Variants in XPO4 observed in about 807,000 individuals in gnomAD.
XPO4 encodes the protein exportin 4.
A neutral mutation model predicts 143.0 loss-of-function variants in XPO4; 39 were observed. That is an observed-to-expected ratio of 0.27 (90% CI 0.21 to 0.36). The LOEUF is 0.36. Among genes scored for constraint, XPO4 ranks in the 10% least tolerant of loss-of-function variants. The pLI, the probability that XPO4 is intolerant of heterozygous loss-of-function variation, is 1.00. For synonymous variants in XPO4, 439 were observed against 474.0 expected, an observed-to-expected ratio of 0.93 and a Z score of 0.96; for missense variants, 907 against 1,348.0, an observed-to-expected ratio of 0.67 and a Z score of 5.12.
chr13:20,896,416 A>G (rs1188211923), intron 1 of XPO4, among the ~76,000 whole-genome samples: 3 of 152,190 alleles, frequency 2.0e-5, no homozygotes, highest in African/African-American at 7.2e-5. Flanking sequence ...ATATTCTGCA[A>G]ATAAGCTGTA....
At chr13:20,898,675 CA>C (rs2060591756) in intron 1 of XPO4, among the ~76,000 whole-genome samples, 1 of 152,074 alleles carries the variant, frequency 6.6e-6, no homozygotes, top group Non-Finnish European at 1.5e-5. Context: ...AAGGACAATC[CA>C]AAACAACCTA....
At position 20,781,337 on chromosome 13, in the gene XPO4, TG is replaced by T. The variant is rs2059140588; in HGVS notation, c.*2384del. The stretch of plus-strand genomic sequence containing the variant: ...GAATAAGCATCCAATCAGGCAAACA[TG>T]GACACAACCACCCTGAAAAGGTCTA... On this transcript the variant is annotated 3_prime_UTR_variant, in exon 23 of 23. Transcript: ENST00000255305. 1 of 152,544 alleles carries T rather than the reference TG, an allele frequency of 6.6e-6. No individual in the cohort carries two copies. The allele number at this position is 152,544 out of a possible 1,614,324, so 9.4% of individuals were successfully genotyped here. A position where few individuals can be genotyped will look rare whatever the true frequency, so the allele number is the denominator to read the frequency against.
At chr13:20,866,349 A>G (rs1479245964) in intron 2 of XPO4, 8 of 985,066 alleles carry the variant, frequency 8.1e-6, no homozygotes, top group Non-Finnish European at 9.6e-6. Context: ...AACTCAAGTT[A>G]GAAGTGAGAA....
rs943115910 is a variant in XPO4 at position 20,780,527 on chromosome 13, A to C, written c.*3195T>G. On this transcript the variant is annotated 3_prime_UTR_variant, in exon 23 of 23. Transcript: ENST00000255305. ...GTTAAATAATGCTGACTGGGGGGAA[A>C]TGATATAGATACTTGCTTTTCAAAT... The C allele has an allele frequency of 1.3e-5, 2 of 152,208 alleles. No homozygotes were observed. The highest frequency in any genetic ancestry group is 4.8e-5 in the African/African-American group (2 of 41,446). The allele number at this position is 152,208 out of a possible 1,614,324, so 9.4% of individuals were successfully genotyped here. A position where few individuals can be genotyped will look rare whatever the true frequency, so the allele number is the denominator to read the frequency against.
intron 9 of XPO4, among the ~76,000 whole-genome samples, chr13:20,814,882 A>G (rs756379720): frequency 5.3e-5 from 8 of 152,270 alleles, no homozygotes; most frequent in Non-Finnish European, 8.8e-5. Flanking sequence ...ATAGAGCAAT[A>G]AATTTGCAAC....
chr13:20,783,211 A>G lies in XPO4; in HGVS notation c.*511T>C. 1 of 154,360 alleles carries G rather than the reference A, an allele frequency of 6.5e-6. No homozygotes were observed. 9.6% of individuals were successfully genotyped at this position (154,360 alleles called of 1,614,324 possible). A position where few individuals can be genotyped will look rare whatever the true frequency, so the allele number is the denominator to read the frequency against. The stretch of plus-strand genomic sequence containing the variant: ...CGAAAGGGAGAAGCTTATTAACATG[A>G]AGACTCCTGGGCCCAACAACCAGAC... On this transcript the variant is annotated 3_prime_UTR_variant, in exon 23 of 23. Coordinates refer to ENST00000255305, the MANE Select transcript of XPO4 (RefSeq NM_022459.5).
chr13:20,795,416 A>G (rs2059344478), intron 18 of XPO4, among the ~76,000 whole-genome samples: 1 of 152,186 alleles, frequency 6.6e-6, no homozygotes, highest in South Asian at 2.1e-4. Context: ...TTTACAGCTG[A>G]TCCTTCAAAC....
intron 18 of XPO4, among the ~76,000 whole-genome samples, chr13:20,792,545 G>A (rs1243895599): frequency 6.6e-6 from 1 of 151,766 alleles, no homozygotes; most frequent in African/African-American, 2.4e-5. Flanking sequence ...GTCCAGCCTG[G>A]GTGACAGAGC....
chr13:20,810,130 T>C (rs1049162698), intron 9 of XPO4, among the ~76,000 whole-genome samples, 163 bp from the exon 10 acceptor site: 6 of 152,338 alleles, frequency 3.9e-5, no homozygotes, highest in African/African-American at 1.4e-4. Flanking sequence ...TAAGTTCAAG[T>C]AAGTCTTAGG....
intron 13 of XPO4, among the ~76,000 whole-genome samples, chr13:20,804,305 T>A (rs1232021932): frequency 7.1e-6 from 1 of 141,832 alleles, no homozygotes; most frequent in Non-Finnish European, 1.6e-5. Flanking sequence ...TCCTCCTATT[T>A]TCTTATTTCT....
intron 2 of XPO4, chr13:20,866,122 AG>A (rs2060242709): frequency 1.0e-6 from 1 of 984,214 alleles, no homozygotes; most frequent in Non-Finnish European, 1.2e-6. Flanking sequence ...GTTTTTTTAA[AG>A]GAACATTTGA....
intron 21 of XPO4, 45 bp from the exon 22 acceptor site, chr13:20,787,102 AT>A: frequency 6.8e-7 from 1 of 1,475,322 alleles, no homozygotes; most frequent in Non-Finnish European, 9.2e-7. Context: ...GGATGATCAT[AT>A]ATCCTCCAGT....
At chr13:20,856,310 T>C (rs1286708782) in intron 3 of XPO4, 4 of 984,746 alleles carry the variant, frequency 4.1e-6, no homozygotes, top group Admixed American at 6.2e-5. Flanking sequence ...AAACATAAAA[T>C]TGTAAAACAC....
chr13:20,901,337 C>T (rs1035308409), intron 1 of XPO4, among the ~76,000 whole-genome samples: 4 of 152,170 alleles, frequency 2.6e-5, no homozygotes, highest in African/African-American at 9.7e-5. Flanking sequence ...CTGATTTTAC[C>T]TGATCAGTGT....
chr13:20,782,018 T>C lies in XPO4; in HGVS notation c.*1704A>G, dbSNP rs1318626989. The C allele has an allele frequency of 6.6e-6, 1 of 152,248 alleles. No individual in the cohort carries two copies. The highest frequency in any genetic ancestry group is 2.4e-5 in the African/African-American group (1 of 41,468). The allele number at this position is 152,248 out of a possible 1,614,324, so 9.4% of individuals were successfully genotyped here. On this transcript the variant is annotated 3_prime_UTR_variant, in exon 23 of 23. Coordinates refer to ENST00000255305, the MANE Select transcript of XPO4 (RefSeq NM_022459.5). The stretch of plus-strand genomic sequence containing the variant: ...CAAGATGTTTTTGCTTCCCCTTAAT[T>C]GTGACTCAAAGCTAATCAAATTGAG...
Position 20,902,675 on chromosome 13 carries a change from G to T in XPO4, c.64C>A (p.Leu22Met). 6.3e-7 allele frequency: 1 copy of T among 1,578,186 alleles called. No individual in the cohort carries two copies. The highest frequency in any genetic ancestry group is 8.6e-7 in the Non-Finnish European group (1 of 1,162,764). The change falls in exon 1 of 23, where the codon CTG (leucine) becomes ATG (methionine). Residue 22 changes from leucine to methionine, a missense_variant. Transcript: ENST00000255305. ...GAGGGGCGCGGCGTCCTCACCATCA[G>T]AACTTTAGCCGCGTTCTCCAGCTGA... ...IAQLENAAKV[L>M]MAPPSMVNNE...
chr13:20,799,366 G>A (rs766135654), intron 15 of XPO4, 27 bp from the exon 16 acceptor site: 2 of 1,598,094 alleles, frequency 1.3e-6, no homozygotes, highest in Non-Finnish European at 1.7e-6. Context: ...CAAAACATAA[G>A]ATGTATTACT....
intron 7 of XPO4, among the ~76,000 whole-genome samples, chr13:20,823,495 A>G (rs954452217): frequency 3.3e-5 from 5 of 152,184 alleles, no homozygotes; most frequent in Non-Finnish European, 7.3e-5. Context: ...TCTTTGGACT[A>G]GAACAAACCA....
chr13:20,793,575 A>G (rs542674902), intron 18 of XPO4, among the ~76,000 whole-genome samples: 2 of 151,664 alleles, frequency 1.3e-5, no homozygotes, highest in South Asian at 4.2e-4. Flanking sequence ...ATTGATTGAA[A>G]CAGAGTCTGG....
Sources: allele counts gnomAD v4.1 joint callset (sites outside exome capture counted in the v4.1 genomes callset), GRCh38; gene constraint gnomAD v4.1.1; transcripts MANE v1.5; gene names NCBI Gene and HGNC (gene_info 2026-07-23, HGNC 2026-07-21).